The following SEC13 variants were observed in gnomAD, a reference collection of about 807,000 sequenced individuals.
SEC13 encodes the protein protein SEC13 homolog.
SEC13 carries 25 observed loss-of-function variants against 49.2 expected under a neutral mutation model. The ratio of observed to expected loss-of-function variants is 0.51; its 90% confidence interval spans 0.37 to 0.71. SEC13 has a LOEUF of 0.71. Ranked by LOEUF, SEC13 falls within the 30% of genes least tolerant of loss-of-function variation. The pLI, the probability that SEC13 is intolerant of heterozygous loss-of-function variation, is 0.00. For missense variants in SEC13, 383 were observed against 417.6 expected (o/e 0.92, Z 0.72); for synonymous variants, 148 against 163.9 (o/e 0.90, Z 0.74).
chr3:10,303,041 G>C (rs1406800149), intron 8 of SEC13, among the ~76,000 whole-genome samples: 1 of 152,224 alleles, frequency 6.6e-6, no homozygotes, highest in Non-Finnish European at 1.5e-5. Context: ...AGGGGCAATG[G>C]GGAAGGGAGT....
chr3:10,308,616 CAT>C (rs1679168819), intron 5 of SEC13, among the ~76,000 whole-genome samples: 1 of 151,968 alleles, frequency 6.6e-6, no homozygotes, highest in Non-Finnish European at 1.5e-5. Flanking sequence ...GTATTTTAAA[CAT>C]GTTATTCTTT....
intron 5 of SEC13, among the ~76,000 whole-genome samples, chr3:10,310,526 A>G (rs962109400): frequency 8.5e-5 from 13 of 152,090 alleles, no homozygotes; most frequent in Non-Finnish European, 1.3e-4. Context: ...AAAAATCACA[A>G]TAAGATACCA....
In SEC13 at chr3:10,307,315, T is replaced by TCTCCTGCCTCAGCCTCCCGTGTA. The variant is rs1429810668; in HGVS notation, c.451-1646_451-1624dup. Among the ~76,000 whole-genome samples, 10 of 88,916 alleles carry TCTCCTGCCTCAGCCTCCCGTGTA rather than the reference T, an allele frequency of 1.1e-4. 1 individual carries two copies. The East Asian group carries it at 7.9e-3, about 70-fold the overall frequency. The allele number at this position is 88,916 out of a possible 152,430, so 58.3% of individuals were successfully genotyped here. A position where few individuals can be genotyped will look rare whatever the true frequency, so the allele number is the denominator to read the frequency against. ...CCTCCACCTCCCAGGTTCAAGTGAT[T>TCTCCTGCCTCAGCCTCCCGTGTA]CTCCTGCCTCAGCCTCCCGTGTAGC... On this transcript the variant is annotated intron_variant, in intron 5 of 8. Transcript: ENST00000350697.
chr3:10,316,160 T>A (rs1701590661), intron 2 of SEC13, among the ~76,000 whole-genome samples: 1 of 152,232 alleles, frequency 6.6e-6, no homozygotes. Flanking sequence ...GGCCCCTACC[T>A]GCAGATCCTT....
chr3:10,318,808 C>A (rs1241349149), intron 1 of SEC13, among the ~76,000 whole-genome samples: 1 of 152,204 alleles, frequency 6.6e-6, no homozygotes, highest in African/African-American at 2.4e-5. Flanking sequence ...CATCCATCAC[C>A]TTTCTTGAAG....
chr3:10,316,689 TG>T (rs1701627894), intron 2 of SEC13, among the ~76,000 whole-genome samples: 1 of 152,206 alleles, frequency 6.6e-6, no homozygotes, highest in African/African-American at 2.4e-5. Flanking sequence ...AGATAGCATC[TG>T]TCTCAACAGT....
At chr3:10,309,514 T>C (rs1242306359) in intron 5 of SEC13, among the ~76,000 whole-genome samples, 1 of 152,224 alleles carries the variant, frequency 6.6e-6, no homozygotes, top group Non-Finnish European at 1.5e-5. Flanking sequence ...CGTCTTAGTC[T>C]TTCTTTACTT....
chr3:10,304,175 AG>A lies in SEC13; in HGVS notation c.709-4del, dbSNP rs1190099477. The A allele has an allele frequency of 6.2e-7, 1 of 1,613,760 alleles. No individual in the cohort carries two copies. The highest frequency in any genetic ancestry group is 8.5e-7 in the Non-Finnish European group (1 of 1,179,892). ...GTCCAAATGAACACACGACCATCCT[AG>A]GAAGAAACAGGATAGAGTCAGGAGG... On this transcript the variant is annotated splice_polypyrimidine_tract_variant and splice_region_variant and intron_variant, in intron 7 of 8. Coordinates refer to ENST00000350697, the MANE Select transcript of SEC13 (RefSeq NM_183352.3).
At chr3:10,307,395 G>A (rs951117410) in intron 5 of SEC13, among the ~76,000 whole-genome samples, 12 of 152,012 alleles carry the variant, frequency 7.9e-5, no homozygotes, top group South Asian at 2.1e-4. Context: ...TTTTAGTAGC[G>A]TCGGGGTGTG....
chr3:10,320,873 C>A, intron 1 of SEC13, 177 bp downstream of exon 1: 1 of 1,395,658 alleles, frequency 7.2e-7, no homozygotes. Flanking sequence ...GGCCTCACCT[C>A]TGGACTCCCC....
intron 5 of SEC13, among the ~76,000 whole-genome samples, chr3:10,311,037 A>G (rs944181029): frequency 3.3e-5 from 5 of 152,094 alleles, no homozygotes; most frequent in African/African-American, 1.2e-4. Context: ...ATTAAAAAAA[A>G]AAAAACAACT....
intron 8 of SEC13, among the ~76,000 whole-genome samples, chr3:10,302,349 A>G (rs774098610): frequency 2.8e-4 from 42 of 152,242 alleles, no homozygotes; most frequent in Non-Finnish European, 4.4e-4. Context: ...GGGACAAACT[A>G]TTCACTCAAC....
chr3:10,312,833 G>C (rs991940380), intron 3 of SEC13, 103 bp from the exon 4 acceptor site: 1 of 1,166,610 alleles, frequency 8.6e-7, no homozygotes, highest in Admixed American at 2.1e-5. Context: ...GGGCAGAATT[G>C]CTTAAGAACT....
chr3:10,315,519 G>T, intron 2 of SEC13, 83 bp from the exon 3 acceptor site: 3 of 740,758 alleles, frequency 4.0e-6, no homozygotes, highest in Non-Finnish European at 6.9e-6. Context: ...ACAGAGTCTA[G>T]TTTGGACCAG....
intron 5 of SEC13, among the ~76,000 whole-genome samples, chr3:10,308,782 C>T (rs1193477425): frequency 2.2e-5 from 3 of 136,752 alleles, no homozygotes; most frequent in African/African-American, 8.4e-5. Context: ...GTTGGTGATG[C>T]TGAGTTGAAT....
rs781256348 is a variant in SEC13, at chr3:10,321,065, G to C, written c.-13C>G. The C allele has an allele frequency of 2.5e-6, 4 of 1,613,036 alleles. No individual in the cohort carries two copies. In the African/African-American group the frequency reaches 5.3e-5, roughly 22 times the overall value. ...CAACACTCACCATGATTGCGGCGGT[G>C]GCTGCTCCAGGTCTCGGACGTGGCA... On this transcript the variant is annotated 5_prime_UTR_variant, in exon 1 of 9. Transcript: ENST00000350697. This position sits in a 1 kb window ranked among gnomAD's most constrained non-coding sequence, Gnocchi z 4.1.
intron 1 of SEC13, among the ~76,000 whole-genome samples, chr3:10,318,985 C>T (rs1477506406): frequency 6.6e-6 from 1 of 152,194 alleles, no homozygotes; most frequent in Non-Finnish European, 1.5e-5. Flanking sequence ...CAGTGCTTTG[C>T]AAATAGAAGG....
chr3:10,317,341 G>A (rs1031538337), intron 2 of SEC13, among the ~76,000 whole-genome samples: 4 of 152,180 alleles, frequency 2.6e-5, no homozygotes, highest in South Asian at 2.1e-4. Context: ...AACTGTTGGT[G>A]GACAGGTTGT....
chr3:10,312,151 G>C, intron 4 of SEC13, 53 bp from the exon 5 acceptor site: 1 of 1,531,734 alleles, frequency 6.5e-7, no homozygotes, highest in East Asian at 2.4e-5. Flanking sequence ...GCGGCCCCAG[G>C]TCCCGCCTTC....
Sources: gnomAD v4.1 joint callset for allele counts (sites outside exome capture counted in the v4.1 genomes callset) on GRCh38, gnomAD v4.1.1 for gene constraint, Gnocchi (gnomAD v3.1) non-coding constraint, MANE v1.5 for transcripts, NCBI Gene and HGNC (gene_info 2026-07-23, HGNC 2026-07-21) for gene names.